Variants in DNAH5 observed in about 807,000 individuals in gnomAD.
DNAH5 encodes dynein axonemal heavy chain 5.
DNAH5 carries 372 observed loss-of-function variants against 518.2 expected under a neutral mutation model. That is an observed-to-expected ratio of 0.72 (90% confidence interval 0.66 to 0.78). The LOEUF (loss-of-function observed/expected upper bound fraction) is 0.78, where lower values mean the gene tolerates loss of function less well. DNAH5 is among the 30% of genes least tolerant of loss of function. The pLI, the probability that DNAH5 is intolerant of heterozygous loss-of-function variation, is 0.00. For synonymous variants in DNAH5, 2,039 were observed against 2,025.9 expected (o/e 1.01, Z -0.17); for missense variants, 5,523 against 5,687.0 (o/e 0.97, Z 0.93).
intron 1 of DNAH5, among the ~76,000 whole-genome samples, chr5:14,010,178 TAACA>T (rs2152091489): frequency 6.6e-6 from 1 of 152,150 alleles, no homozygotes; most frequent in East Asian, 1.9e-4. Flanking sequence ...TGTTTTCTAG[TAACA>T]CTTGGAGGGA....
Position 13,754,171 on chromosome 5 carries a change from A to G in DNAH5, c.10555+32T>C, listed in dbSNP as rs548119084. The G allele has an allele frequency of 8.7e-5, 140 of 1,613,760 alleles. 1 individual carries two copies. The South Asian group carries it at 1.4e-3, about 16-fold the overall frequency. On this transcript the variant is annotated intron_variant, in intron 62 of 78. Transcript: ENST00000265104. ...TTTCGAATTCCCTATCACAGTCAACACACAATCTCATTAATAAAGAAATTT... is the reference window on the plus strand; with the variant it reads ...TTTCGAATTCCCTATCACAGTCAACGCACAATCTCATTAATAAAGAAATTT...
intron 12 of DNAH5, among the ~76,000 whole-genome samples, chr5:13,904,537 ATGTG>A (rs141766674): frequency 4.0e-5 from 6 of 150,296 alleles, no homozygotes; most frequent in South Asian, 2.1e-4. Flanking sequence ...TATGTGGATT[ATGTG>A]TGTGTGTGTG....
chr5:13,878,947 G>A (rs567696868), intron 21 of DNAH5, among the ~76,000 whole-genome samples: 47 of 152,322 alleles, frequency 3.1e-4, no homozygotes, highest in Non-Finnish European at 5.6e-4. Flanking sequence ...AGAGAATCTA[G>A]CTCCTACCTT....
intron 38 of DNAH5, among the ~76,000 whole-genome samples, chr5:13,824,730 CAT>C (rs1762673319): frequency 6.6e-6 from 1 of 152,076 alleles, no homozygotes; most frequent in Non-Finnish European, 1.5e-5. Flanking sequence ...TCATGACTGT[CAT>C]ATACATAGAG....
At chr5:13,806,709 A>T (rs1759654970) in intron 47 of DNAH5, among the ~76,000 whole-genome samples, 1 of 152,208 alleles carries the variant, frequency 6.6e-6, no homozygotes, top group Non-Finnish European at 1.5e-5. Flanking sequence ...TTTCCTCCTC[A>T]GTTTCAATAA....
At chr5:13,974,979 A>T (rs1406079865) in intron 1 of DNAH5, among the ~76,000 whole-genome samples, 2 of 152,152 alleles carry the variant, frequency 1.3e-5, no homozygotes, top group African/African-American at 4.8e-5. Flanking sequence ...TGAGGCACAG[A>T]CTGGCCCTCT....
At chr5:13,788,987 T>C (rs1756520984) in intron 50 of DNAH5, 73 bp from the exon 51 acceptor site, 1 of 1,338,032 alleles carries the variant, frequency 7.5e-7, no homozygotes, top group Non-Finnish European at 1.1e-6. Context: ...TTGACAGTAC[T>C]GTAGAGTATT....
chr5:13,756,873 T>A (rs986882641), intron 61 of DNAH5, among the ~76,000 whole-genome samples: 9 of 152,154 alleles, frequency 5.9e-5, no homozygotes, highest in Non-Finnish European at 1.0e-4. Context: ...CACCCTCCAG[T>A]AGGCCCCAGT....
rs1275214512 is a variant in DNAH5, at chr5:13,829,639, G to A, written c.6315C>T (p.Ala2105=). The A allele has an allele frequency of 1.2e-6, 2 of 1,614,068 alleles. No homozygotes were observed. Among genetic ancestry groups the A allele is most frequent in the Non-Finnish European group, 1.7e-6 (2 of 1,180,028 alleles). ...TAATCTGACGGTCAGGCACCATCATGGCCACTGAGCGGAAATTAATCTTCA... is the reference window on the plus strand; with the variant it reads ...TAATCTGACGGTCAGGCACCATCATAGCCACTGAGCGGAAATTAATCTTCA... ...ENLKINFRSV[A]MMVPDRQIII... is the part of the protein sequence containing the mutation. The change falls in exon 38 of 79, where the codon GCC becomes GCT. Residue 2105 remains alanine (A), a synonymous_variant. Coordinates refer to ENST00000265104, the MANE Select transcript of DNAH5 (RefSeq NM_001369.3).
intron 65 of DNAH5, among the ~76,000 whole-genome samples, chr5:13,744,812 C>T (rs1749109860): frequency 6.6e-6 from 1 of 152,012 alleles, no homozygotes; most frequent in African/African-American, 2.4e-5. Context: ...CAAACGGCAG[C>T]CAGAGTTCTC....
chr5:13,692,206 T>C (rs1740789062), intron 78 of DNAH5, 71 bp from the exon 79 acceptor site: 2 of 1,535,388 alleles, frequency 1.3e-6, no homozygotes, highest in Non-Finnish European at 1.8e-6. Context: ...TGCAGAGCCA[T>C]GCTTCTGCAT....
At position 13,832,088 on chromosome 5, in the gene DNAH5, T is replaced by C. The variant is rs571860195; in HGVS notation, c.5883-1313A>G. ...TGAAATAATCTATATAACAAACCTC[T>C]ATGACACAAGTTTACCTATGTAACA... On this transcript the variant is annotated intron_variant, in intron 35 of 78. Coordinates refer to ENST00000265104, the MANE Select transcript of DNAH5 (RefSeq NM_001369.3). 3.3e-5 allele frequency among the ~76,000 whole-genome samples: 5 copies of C among 152,082 alleles called. No individual in the cohort carries two copies. The South Asian group carries it at 1.0e-3, about 32-fold the overall frequency.
intron 42 of DNAH5, among the ~76,000 whole-genome samples, chr5:13,815,601 T>C (rs910927514): frequency 2.6e-5 from 4 of 152,092 alleles, no homozygotes; most frequent in Admixed American, 1.3e-4. Flanking sequence ...TGAATGTCTA[T>C]TGTTTATAAG....
At position 13,707,641 on chromosome 5, in the gene DNAH5, G is replaced by T. The variant is rs1742971394; in HGVS notation, c.13338+482C>A. ...CCCCTGTCACACGCCCTGTGAGGGGGATAAGGGAACTCCTCCGATTTCGAC... is the reference window on the plus strand; with the variant it reads ...CCCCTGTCACACGCCCTGTGAGGGGTATAAGGGAACTCCTCCGATTTCGAC... On this transcript the variant is annotated intron_variant, in intron 76 of 78. Transcript: ENST00000265104. This position sits in a 1 kb window ranked among gnomAD's most constrained non-coding sequence, Gnocchi z 4.0. 6.6e-6 allele frequency among the ~76,000 whole-genome samples: 1 copy of T among 152,126 alleles called. No homozygotes were observed. The highest frequency in any genetic ancestry group is 1.5e-5 in the Non-Finnish European group (1 of 68,028).
chr5:13,732,245 G>A (rs1746685725), intron 68 of DNAH5, among the ~76,000 whole-genome samples: 1 of 152,156 alleles, frequency 6.6e-6, no homozygotes, highest in Admixed American at 6.5e-5. Context: ...CACAGTTCTG[G>A]AAGATGGGAA....
intron 76 of DNAH5, 74 bp from the exon 77 acceptor site, chr5:13,701,510 A>T: frequency 1.4e-6 from 1 of 721,372 alleles, no homozygotes; most frequent in Non-Finnish European, 1.9e-6. Context: ...TGTTCACTGA[A>T]AAAAAAAAAA....
At chr5:13,854,243 C>T (rs1418038941) in intron 30 of DNAH5, among the ~76,000 whole-genome samples, 1 of 152,138 alleles carries the variant, frequency 6.6e-6, no homozygotes, top group East Asian at 1.9e-4. Context: ...GAATTTTCAG[C>T]CCAGAATTTC....
At chr5:13,927,748 AAC>A (rs1014197068) in intron 3 of DNAH5, among the ~76,000 whole-genome samples, 14 of 152,244 alleles carry the variant, frequency 9.2e-5, no homozygotes, top group Non-Finnish European at 1.5e-4. Flanking sequence ...TAGAACATAA[AAC>A]ACAGAATGAA....
intron 1 of DNAH5, among the ~76,000 whole-genome samples, chr5:14,004,293 A>G (rs1029345895): frequency 2.0e-5 from 3 of 152,150 alleles, no homozygotes; most frequent in African/African-American, 7.2e-5. Flanking sequence ...GCAAAGGGAG[A>G]GATCAGTTAC....
Sources: gnomAD v4.1 joint callset for allele counts (sites outside exome capture counted in the v4.1 genomes callset) on GRCh38, gnomAD v4.1.1 for gene constraint, Gnocchi (gnomAD v3.1) non-coding constraint, MANE v1.5 for transcripts, NCBI Gene and HGNC (gene_info 2026-07-23, HGNC 2026-07-21) for gene names.